The following OPCML variants were observed in gnomAD, a reference collection of about 807,000 sequenced individuals.
The protein encoded by OPCML is opioid-binding protein/cell adhesion molecule.
OPCML carries 13 observed loss-of-function variants against 37.8 expected under a neutral mutation model. The observed-to-expected ratio is 0.34, with a 90% confidence interval of 0.22 to 0.55. The LOEUF (loss-of-function observed/expected upper bound fraction) is 0.55, where lower values mean the gene tolerates loss of function less well. OPCML is among the 20% of genes least tolerant of loss of function. The pLI is 0.91. For missense variants in OPCML, 341 were observed against 435.6 expected, an observed-to-expected ratio of 0.78 and a Z score of 1.93; for synonymous variants, 176 against 168.8, an observed-to-expected ratio of 1.04 and a Z score of -0.33.
intron 1 of OPCML, among the ~76,000 whole-genome samples, chr11:133,062,299 C>T (rs1032655817): frequency 3.9e-5 from 6 of 152,156 alleles, no homozygotes; most frequent in African/African-American, 1.4e-4. Context: ...AAAGGAAGTC[C>T]ATGAATCCCC....
chr11:132,445,056 G>C lies in OPCML; in HGVS notation c.506-7697C>G, dbSNP rs2096050061. On this transcript the variant is annotated intron_variant, in intron 4 of 7. Transcript: ENST00000524381. The stretch of plus-strand genomic sequence containing the variant: ...TTTTGGGCTCAGAAACCTTTCTCAG[G>C]CTGTGGCCACCAGGACCTCCTCTGC... Among the ~76,000 whole-genome samples the C allele has an allele frequency of 2.0e-5, 3 of 152,236 alleles. No individual in the cohort carries two copies. The South Asian group carries it at 6.2e-4, about 31-fold the overall frequency.
At chr11:133,054,865 T>C (rs1948196525) in intron 1 of OPCML, among the ~76,000 whole-genome samples, 1 of 151,736 alleles carries the variant, frequency 6.6e-6, no homozygotes. Context: ...TACTGTACAA[T>C]GCTGCCTCCA....
chr11:132,911,369 T>C (rs890823938), intron 2 of OPCML, among the ~76,000 whole-genome samples: 10 of 152,208 alleles, frequency 6.6e-5, no homozygotes, highest in African/African-American at 2.2e-4. Context: ...ACAATCATTC[T>C]ATGGTGCAGA....
At chr11:132,464,412 C>T (rs574184049) in intron 4 of OPCML, among the ~76,000 whole-genome samples, 3 of 152,166 alleles carry the variant, frequency 2.0e-5, no homozygotes, top group Non-Finnish European at 4.4e-5. Context: ...TCCTACCCAC[C>T]GCCTCCAGCC....
At chr11:132,806,546 C>T (rs1027555089) in intron 2 of OPCML, among the ~76,000 whole-genome samples, 1 of 152,036 alleles carries the variant, frequency 6.6e-6, no homozygotes, top group Non-Finnish European at 1.5e-5. Flanking sequence ...GCAAATTACC[C>T]ACAAGGCATG....
chr11:132,714,423 C>G (rs1025407840), intron 2 of OPCML, among the ~76,000 whole-genome samples: 12 of 152,170 alleles, frequency 7.9e-5, no homozygotes, highest in African/African-American at 2.7e-4. Context: ...AGAAAGTTCA[C>G]ACTTAAAACC....
rs563803314 is a variant in OPCML at position 133,177,739 on chromosome 11, G to A, written c.62-234729C>T. ...GGTCCACAGATTTTTCTAGCTGCTC[G>A]AGCAAATGTGGAATCTCATGGAATC... On this transcript the variant is annotated intron_variant, in intron 1 of 7. Coordinates refer to ENST00000524381, the MANE Select transcript of OPCML (RefSeq NM_001012393.5). The surrounding 1 kb of genome is among the most constrained non-coding windows in gnomAD (Gnocchi z 5.0). Among the ~76,000 whole-genome samples, 7 of 152,240 alleles carry A rather than the reference G, an allele frequency of 4.6e-5. No individual in the cohort carries two copies. Among genetic ancestry groups the A allele is most frequent in the Non-Finnish European group, 7.3e-5 (5 of 68,028 alleles).
intron 1 of OPCML, among the ~76,000 whole-genome samples, chr11:133,036,632 A>T (rs1190000938): frequency 1.3e-5 from 2 of 152,236 alleles, no homozygotes; most frequent in East Asian, 3.8e-4. Context: ...AACCTAATGT[A>T]TTCTATAGAG....
Position 132,804,749 on chromosome 11 carries a change from C to A in OPCML, c.146+138177G>T, listed in dbSNP as rs568031409. ...CCAAGCTGGACCTTGGCTAGTTAGA[C>A]CAGTGTGATCAGCCAGTAATTGAGC... On this transcript the variant is annotated intron_variant, in intron 2 of 7. Coordinates refer to ENST00000524381, the MANE Select transcript of OPCML (RefSeq NM_001012393.5). Among the ~76,000 whole-genome samples the A allele has an allele frequency of 3.9e-5, 6 of 152,258 alleles. No individual in the cohort carries two copies. The East Asian group carries it at 1.2e-3, about 29-fold the overall frequency.
At chr11:132,744,793 T>C (rs1945557742) in intron 2 of OPCML, among the ~76,000 whole-genome samples, 1 of 152,130 alleles carries the variant, frequency 6.6e-6, no homozygotes, top group Admixed American at 6.5e-5. Flanking sequence ...ACACCCAAAA[T>C]ATAAAGTGGG....
intron 1 of OPCML, among the ~76,000 whole-genome samples, chr11:133,229,942 C>G (rs1940205497): frequency 6.6e-6 from 1 of 152,192 alleles, no homozygotes; most frequent in Non-Finnish European, 1.5e-5. Context: ...GTCTAATAAG[C>G]TCTACTGTAT....
chr11:132,868,976 G>A (rs1050581307), intron 2 of OPCML, among the ~76,000 whole-genome samples: 2 of 152,200 alleles, frequency 1.3e-5, no homozygotes, highest in African/African-American at 4.8e-5. Flanking sequence ...TGGAGAAGCT[G>A]TGGGGAACGT....
chr11:132,487,700 T>G (rs534380427), intron 4 of OPCML, among the ~76,000 whole-genome samples: 1 of 152,208 alleles, frequency 6.6e-6, no homozygotes, highest in African/African-American at 2.4e-5. Flanking sequence ...CCTGGCCAGA[T>G]AGAGTCACAG....
chr11:132,496,739 C>T (rs2096232365), intron 4 of OPCML, among the ~76,000 whole-genome samples: 1 of 152,214 alleles, frequency 6.6e-6, no homozygotes, highest in South Asian at 2.1e-4. Context: ...TAAAGTTCTA[C>T]AAATCTAAGA....
chr11:133,072,322 G>C (rs934369677), intron 1 of OPCML, among the ~76,000 whole-genome samples: 7 of 152,164 alleles, frequency 4.6e-5, no homozygotes, highest in African/African-American at 1.4e-4. Flanking sequence ...CACTCAAAAT[G>C]CTATTAAAGA....
At chr11:132,652,876 A>C (rs565387068) in intron 3 of OPCML, among the ~76,000 whole-genome samples, 1 of 152,336 alleles carries the variant, frequency 6.6e-6, no homozygotes, top group South Asian at 2.1e-4. Flanking sequence ...CTCCAGTAGC[A>C]ACATCAATCT....
rs80285868 is a variant in OPCML at position 133,315,256 on chromosome 11, A to T, written c.61+217008T>A. Among the ~76,000 whole-genome samples, 1,382 of 152,308 alleles carry T rather than the reference A, an allele frequency of 9.1e-3. 23 individuals are homozygous for T. The highest frequency in any genetic ancestry group is 0.031 in the African/African-American group (1,302 of 41,560). ...GCACTTTTTAAAGTGGAATCTAATGACAATAAAATTTAATTGGACATATTA... is the reference window on the plus strand; with the variant it reads ...GCACTTTTTAAAGTGGAATCTAATGTCAATAAAATTTAATTGGACATATTA... On this transcript the variant is annotated intron_variant, in intron 1 of 7. Transcript: ENST00000524381.
chr11:132,796,677 C>G (rs941254923), intron 2 of OPCML, among the ~76,000 whole-genome samples: 1 of 148,890 alleles, frequency 6.7e-6, no homozygotes, highest in African/African-American at 2.5e-5. Flanking sequence ...GGGTTCATGC[C>G]GTTCTCCTGC....
rs1346792014 is a variant in OPCML, at chr11:132,950,981, CCCTGCTGTGATCA to C, written c.62-7984_62-7972del. 2.6e-5 allele frequency among the ~76,000 whole-genome samples: 4 copies of C among 152,194 alleles called. No homozygotes were observed. The South Asian group carries it at 8.3e-4, about 32-fold the overall frequency. On this transcript the variant is annotated intron_variant, in intron 1 of 7. Coordinates refer to ENST00000524381, the MANE Select transcript of OPCML (RefSeq NM_001012393.5). ...TTAAGACCTCGGCCTGTTTTGACTT[CCCTGCTGTGATCA>C]CCTGCTGTGATCTAGGTGGACTGTG...
Sources: gnomAD v4.1 joint callset for allele counts (sites outside exome capture counted in the v4.1 genomes callset) on GRCh38, gnomAD v4.1.1 for gene constraint, Gnocchi (gnomAD v3.1) non-coding constraint, MANE v1.5 for transcripts, NCBI Gene and HGNC (gene_info 2026-07-23, HGNC 2026-07-21) for gene names.